PGM5: variants seen among roughly 807,000 people sequenced by gnomAD.
PGM5 encodes phosphoglucomutase 5.
Under a neutral mutation model 59.2 loss-of-function variants are expected in PGM5, and 23 were observed. The ratio of observed to expected loss-of-function variants is 0.39; its 90% CI spans 0.28 to 0.55. The LOEUF (loss-of-function observed/expected upper bound fraction) is 0.55, where lower values mean the gene tolerates loss of function less well. Ranked by LOEUF, PGM5 falls within the 20% of genes least tolerant of loss-of-function variation. PGM5 has a pLI of 0.66. For synonymous variants in PGM5, 214 were observed against 286.0 expected (o/e 0.75, Z 2.54); for missense variants, 574 against 748.3 (o/e 0.77, Z 2.72).
At position 68,495,120 on chromosome 9, in the gene PGM5, A is replaced by G. The variant is rs74530989; in HGVS notation, c.1480-4107A>G. 2.0e-5 allele frequency among the ~76,000 whole-genome samples: 3 copies of G among 152,356 alleles called. No individual in the cohort carries two copies. The South Asian group carries it at 6.2e-4, about 32-fold the overall frequency. On this transcript the variant is annotated intron_variant, in intron 9 of 10. Transcript: ENST00000396396. ...GAGCTTGTTAGCTAATGAAGAACCC[A>G]AAGTCATAACTCAGCAAGTCCAAAA...
intron 6 of PGM5, among the ~76,000 whole-genome samples, chr9:68,418,059 A>G (rs1823064967): frequency 1.3e-5 from 2 of 152,192 alleles, no homozygotes; most frequent in Admixed American, 1.3e-4. Context: ...TCCCCTGACA[A>G]GAGGCTGAGC....
intron 1 of PGM5, among the ~76,000 whole-genome samples, chr9:68,371,979 ACC>A (rs1430218042): frequency 7.2e-5 from 11 of 152,202 alleles, no homozygotes; most frequent in Non-Finnish European, 1.3e-4. Context: ...GATGAGGCAG[ACC>A]CTCACTGACA....
At chr9:68,461,838 G>T (rs1823863424) in intron 6 of PGM5, among the ~76,000 whole-genome samples, 1 of 151,872 alleles carries the variant, frequency 6.6e-6, no homozygotes, top group South Asian at 2.1e-4. Flanking sequence ...TTTAAGGTAG[G>T]TCTTCAGGCA....
At chr9:68,506,059 C>T (rs1481250869) in intron 10 of PGM5, among the ~76,000 whole-genome samples, 1 of 152,196 alleles carries the variant, frequency 6.6e-6, no homozygotes, top group African/African-American at 2.4e-5. Context: ...AGGACAAACA[C>T]CACATGTATT....
chr9:68,441,237 T>A lies in PGM5; in HGVS notation c.1044-23856T>A, dbSNP rs534075630. Among the ~76,000 whole-genome samples, 329 of 152,114 alleles carry A rather than the reference T, an allele frequency of 2.2e-3. 3 individuals carry two copies. Among genetic ancestry groups the A allele is most frequent in the African/African-American group, 7.6e-3 (315 of 41,542 alleles). ...AACATTAAAAAAATTCTAAATAATATCTTCCAGAAAAAGGAAGAAGATGGA... is the reference window on the plus strand; with the variant it reads ...AACATTAAAAAAATTCTAAATAATAACTTCCAGAAAAAGGAAGAAGATGGA... On this transcript the variant is annotated intron_variant, in intron 6 of 10. Coordinates refer to ENST00000396396, the MANE Select transcript of PGM5 (RefSeq NM_021965.4).
At chr9:68,388,420 C>G (rs1822283312) in intron 4 of PGM5, among the ~76,000 whole-genome samples, 1 of 149,378 alleles carries the variant, frequency 6.7e-6, no homozygotes, top group Non-Finnish European at 1.5e-5. Flanking sequence ...TTTGATCTGC[C>G]CCACTCTGCC....
intron 10 of PGM5, among the ~76,000 whole-genome samples, chr9:68,520,190 C>A (rs931810766): frequency 2.7e-5 from 4 of 150,370 alleles, no homozygotes; most frequent in African/African-American, 9.7e-5. Context: ...AAAAGATATA[C>A]AAATGATAAC....
At chr9:68,371,314 C>G (rs1821723174) in intron 1 of PGM5, among the ~76,000 whole-genome samples, 1 of 152,208 alleles carries the variant, frequency 6.6e-6, no homozygotes, top group Non-Finnish European at 1.5e-5. Context: ...ATATTGCCTG[C>G]TTCAATGCTG....
chr9:68,474,566 G>GA (rs372793330), intron 7 of PGM5, among the ~76,000 whole-genome samples: 1,554 of 142,738 alleles, frequency 0.011, 13 homozygotes, highest in African/African-American at 0.028. Context: ...TATTTCTCTA[G>GA]AAAAAAAAAA....
chr9:68,526,294 A>G (rs572456384), intron 10 of PGM5, among the ~76,000 whole-genome samples: 42 of 152,306 alleles, frequency 2.8e-4, no homozygotes, highest in African/African-American at 9.9e-4. Flanking sequence ...ACTCCATGGC[A>G]TCTGTGCCGG....
In PGM5 at chr9:68,465,317, A is replaced by T. The variant is rs1242910245; in HGVS notation, c.1159+109A>T. 4.1e-6 allele frequency: 3 copies of T among 727,122 alleles called. No individual in the cohort carries two copies. The Admixed American group carries it at 7.1e-5, about 17-fold the overall frequency. The allele number at this position is 727,122 out of a possible 1,614,324, so 45.0% of individuals were successfully genotyped here. On this transcript the variant is annotated intron_variant, in intron 7 of 10. Coordinates refer to ENST00000396396, the MANE Select transcript of PGM5 (RefSeq NM_021965.4). ...GAATTACAGAGGAACAGTTAAGTAG[A>T]GGCAAAAAATCAGAGAAACCTAGTA...
At chr9:68,471,672 C>A (rs1378965362) in intron 7 of PGM5, among the ~76,000 whole-genome samples, 1 of 151,196 alleles carries the variant, frequency 6.6e-6, no homozygotes, top group Non-Finnish European at 1.5e-5. Context: ...GTAATCCCAG[C>A]ACTTTGGGAA....
intron 6 of PGM5, among the ~76,000 whole-genome samples, chr9:68,464,050 C>A (rs573984402): frequency 1.3e-5 from 2 of 152,104 alleles, no homozygotes; most frequent in Admixed American, 1.3e-4. Context: ...TTGTTGCATG[C>A]GGCAATAGTT....
At chr9:68,484,373 CAAAA>C (rs1188951508) in intron 9 of PGM5, among the ~76,000 whole-genome samples, 8 of 106,308 alleles carry the variant, frequency 7.5e-5, no homozygotes, top group African/African-American at 2.3e-4. Context: ...CCATCTCTAC[CAAAA>C]AAAAAAAAAA....
chr9:68,441,435 G>A (rs1393078265), intron 6 of PGM5, among the ~76,000 whole-genome samples: 2 of 152,166 alleles, frequency 1.3e-5, no homozygotes, highest in South Asian at 2.1e-4. Context: ...AAGTCAGTGG[G>A]ATTTACTGGG....
intron 10 of PGM5, among the ~76,000 whole-genome samples, chr9:68,512,306 T>C (rs1320553443): frequency 2.0e-5 from 3 of 152,232 alleles, no homozygotes; most frequent in Non-Finnish European, 4.4e-5. Flanking sequence ...AACTGGTCCC[T>C]TGGAGCAGGA....
chr9:68,373,739 T>C (rs1205102393), intron 1 of PGM5, among the ~76,000 whole-genome samples: 1 of 152,160 alleles, frequency 6.6e-6, no homozygotes, highest in Non-Finnish European at 1.5e-5. Context: ...TTAAAAACAA[T>C]AGAATGTTAT....
Position 68,488,394 on chromosome 9 carries a change from G to A in PGM5, c.1479+4346G>A, listed in dbSNP as rs188583955. 1.5e-4 allele frequency among the ~76,000 whole-genome samples: 23 copies of A among 152,334 alleles called. No individual in the cohort carries two copies. In the Middle Eastern group the frequency reaches 0.01, roughly 68 times the overall value. Reference sequence around the variant, plus strand: ...CACATACATCTCCAGAGATAAAGTAGAAATGCTTCTCCATCCAAAATGAAA... The same window carrying A: ...CACATACATCTCCAGAGATAAAGTAAAAATGCTTCTCCATCCAAAATGAAA... On this transcript the variant is annotated intron_variant, in intron 9 of 10. Coordinates refer to ENST00000396396, the MANE Select transcript of PGM5 (RefSeq NM_021965.4).
At chr9:68,515,774 T>C (rs1202288646) in intron 10 of PGM5, among the ~76,000 whole-genome samples, 1 of 152,244 alleles carries the variant, frequency 6.6e-6, no homozygotes, top group Non-Finnish European at 1.5e-5. Context: ...ACATGAACTT[T>C]ATTTTATGGG....
Sources: allele counts gnomAD v4.1 joint callset (sites outside exome capture counted in the v4.1 genomes callset), GRCh38; gene constraint gnomAD v4.1.1; transcripts MANE v1.5; gene names NCBI Gene and HGNC (gene_info 2026-07-23, HGNC 2026-07-21).